The following CFAP299 variants were observed in gnomAD, a reference collection of about 807,000 sequenced individuals.
CFAP299 encodes the protein cilia- and flagella-associated protein 299.
CFAP299 carries 21 observed loss-of-function variants against 27.0 expected under a neutral mutation model. The ratio of observed to expected loss-of-function variants is 0.78; its 90% CI spans 0.55 to 1.12. The LOEUF (loss-of-function observed/expected upper bound fraction) is 1.12, where lower values mean the gene tolerates loss of function less well. CFAP299 is among the 50% of genes most tolerant of loss of function. CFAP299 has a pLI of 0.00. For synonymous variants in CFAP299, 104 were observed against 98.1 expected, an observed-to-expected ratio of 1.06 and a Z score of -0.36; for missense variants, 310 against 276.6, an observed-to-expected ratio of 1.12 and a Z score of -0.86.
chr4:80,490,731 C>G (rs1731075814), intron 2 of CFAP299, among the ~76,000 whole-genome samples: 1 of 151,874 alleles, frequency 6.6e-6, no homozygotes, highest in African/African-American at 2.4e-5. Flanking sequence ...ATATATTTGG[C>G]TTTTTAAAAA....
At chr4:80,733,250 T>A (rs1723642598) in intron 3 of CFAP299, among the ~76,000 whole-genome samples, 2 of 152,112 alleles carry the variant, frequency 1.3e-5, no homozygotes, top group South Asian at 4.1e-4. Context: ...AACCTAATAT[T>A]GTCTCAGCTT....
intron 3 of CFAP299, among the ~76,000 whole-genome samples, chr4:80,689,878 G>A (rs1318263774): frequency 6.6e-6 from 1 of 151,928 alleles, no homozygotes; most frequent in African/African-American, 2.4e-5. Flanking sequence ...ACAAAAAAAG[G>A]CAGGGGTTGC....
intron 3 of CFAP299, among the ~76,000 whole-genome samples, chr4:80,750,515 C>T (rs1301756167): frequency 6.6e-6 from 1 of 152,142 alleles, no homozygotes; most frequent in Non-Finnish European, 1.5e-5. Flanking sequence ...AAAGTTTCAA[C>T]ACCATTAAAA....
intron 2 of CFAP299, among the ~76,000 whole-genome samples, chr4:80,465,532 T>A (rs1009089782): frequency 6.6e-6 from 1 of 152,156 alleles, no homozygotes; most frequent in African/African-American, 2.4e-5. Context: ...GAGGGACCCA[T>A]GCATGTGCTA....
At chr4:80,480,006 T>C (rs187724570) in intron 2 of CFAP299, among the ~76,000 whole-genome samples, 19 of 152,124 alleles carry the variant, frequency 1.2e-4, no homozygotes, top group Admixed American at 1.0e-3. Context: ...TTTAAATAGT[T>C]ATATGCAGCT....
chr4:80,808,345 A>T (rs1302084179), intron 3 of CFAP299, among the ~76,000 whole-genome samples: 1 of 152,138 alleles, frequency 6.6e-6, no homozygotes, highest in East Asian at 1.9e-4. Context: ...TTTTGAGAAG[A>T]TTTACATGCA....
chr4:80,708,864 A>C (rs1420889124), intron 3 of CFAP299, among the ~76,000 whole-genome samples: 1 of 152,182 alleles, frequency 6.6e-6, no homozygotes, highest in African/African-American at 2.4e-5. Flanking sequence ...GAAATATTAA[A>C]ATTGATAACT....
intron 3 of CFAP299, among the ~76,000 whole-genome samples, chr4:80,663,922 C>T (rs952589034): frequency 1.3e-5 from 2 of 152,112 alleles, no homozygotes; most frequent in African/African-American, 2.4e-5. Context: ...TTGTTGGCCG[C>T]ATAATGTCTT....
intron 3 of CFAP299, among the ~76,000 whole-genome samples, chr4:80,742,264 A>C (rs1724318992): frequency 1.3e-5 from 2 of 152,126 alleles, no homozygotes; most frequent in African/African-American, 4.8e-5. Context: ...ATAGCCTTCT[A>C]TTCTACCATC....
intron 5 of CFAP299, 63 bp from the exon 6 acceptor site, chr4:80,963,454 A>AG: frequency 9.9e-7 from 1 of 1,013,444 alleles, no homozygotes; most frequent in South Asian, 1.6e-5. Context: ...AATAAAAAAA[A>AG]AATTTTAAAA....
rs576080255 is a variant in CFAP299, at chr4:80,489,294, G to A, written c.243-93799G>A. On this transcript the variant is annotated intron_variant, in intron 2 of 5. Transcript: ENST00000358105. Reference sequence around the variant, plus strand: ...GGGAGCTGCCATTGAAATGGCTGCAGCTTCTCACGCATTACCTGATCTTGG... The same window carrying A: ...GGGAGCTGCCATTGAAATGGCTGCAACTTCTCACGCATTACCTGATCTTGG... 7.2e-5 allele frequency among the ~76,000 whole-genome samples: 11 copies of A among 152,254 alleles called. 1 individual carries two copies. In the East Asian group the frequency reaches 1.4e-3, roughly 19 times the overall value.
intron 3 of CFAP299, among the ~76,000 whole-genome samples, chr4:80,829,370 A>C (rs1730172022): frequency 6.6e-6 from 1 of 152,048 alleles, no homozygotes. Context: ...TAAAAACCAC[A>C]ATGAGATGAT....
intron 2 of CFAP299, chr4:80,388,024 G>A: frequency 2.9e-6 from 2 of 699,898 alleles, no homozygotes; most frequent in East Asian, 2.5e-5. Flanking sequence ...GGGGTGGGTA[G>A]GGCTGCATCA....
At chr4:80,503,068 C>T (rs1731819795) in intron 2 of CFAP299, among the ~76,000 whole-genome samples, 1 of 152,138 alleles carries the variant, frequency 6.6e-6, no homozygotes, top group African/African-American at 2.4e-5. Flanking sequence ...GAAGAGCAAG[C>T]AAGGTTCCTG....
chr4:80,501,646 G>C (rs1268869437), intron 2 of CFAP299, among the ~76,000 whole-genome samples: 1 of 150,612 alleles, frequency 6.6e-6, no homozygotes, highest in African/African-American at 2.4e-5. Context: ...TGTAATTTTG[G>C]ATAAGCTTCT....
At chr4:80,458,753 A>G (rs930437878) in intron 2 of CFAP299, among the ~76,000 whole-genome samples, 3 of 152,130 alleles carry the variant, frequency 2.0e-5, no homozygotes, top group Non-Finnish European at 4.4e-5. Context: ...CAAAAATTCA[A>G]TCCCAGAAAT....
intron 3 of CFAP299, among the ~76,000 whole-genome samples, chr4:80,661,435 T>A (rs1407096673): frequency 6.6e-6 from 1 of 152,138 alleles, no homozygotes; most frequent in African/African-American, 2.4e-5. Context: ...AGACATTTAT[T>A]AGTTTCCCAA....
intron 3 of CFAP299, among the ~76,000 whole-genome samples, chr4:80,707,502 G>A (rs1233158684): frequency 1.3e-5 from 2 of 151,726 alleles, no homozygotes; most frequent in Non-Finnish European, 2.9e-5. Context: ...ATACTACTAA[G>A]TACACTATCC....
At chr4:80,455,893 A>G (rs1729126127) in intron 2 of CFAP299, among the ~76,000 whole-genome samples, 1 of 152,230 alleles carries the variant, frequency 6.6e-6, no homozygotes, top group Admixed American at 6.5e-5. Flanking sequence ...AAACATACAA[A>G]AAATCCATGT....
Sources: gnomAD v4.1 joint callset for allele counts (sites outside exome capture counted in the v4.1 genomes callset) on GRCh38, gnomAD v4.1.1 for gene constraint, MANE v1.5 for transcripts, NCBI Gene and HGNC (gene_info 2026-07-23, HGNC 2026-07-21) for gene names.